PRPF40B: variants seen among roughly 807,000 people sequenced by gnomAD.
PRPF40B encodes the protein pre-mRNA processing factor 40B.
PRPF40B carries 56 observed loss-of-function variants against 124.5 expected under a neutral mutation model. That is an observed-to-expected ratio of 0.45 (90% CI 0.36 to 0.56). PRPF40B has a LOEUF of 0.56. Among genes scored for constraint, PRPF40B ranks in the 20% least tolerant of loss-of-function variants. The pLI is 0.00. For missense variants in PRPF40B, 1,053 were observed against 1,169.5 expected (o/e 0.90, Z 1.45); for synonymous variants, 443 against 426.4 (o/e 1.04, Z -0.48).
intron 1 of PRPF40B, among the ~76,000 whole-genome samples, chr12:49,625,047 G>T (rs185971630): frequency 3.3e-5 from 5 of 151,932 alleles, no homozygotes; most frequent in South Asian, 2.1e-4. Flanking sequence ...CCTTTTTTTT[G>T]ATGATGGCTA....
chr12:49,641,699 T>C (rs1942675943), intron 18 of PRPF40B: 2 of 577,798 alleles, frequency 3.5e-6, no homozygotes, highest in African/African-American at 3.7e-5. Context: ...CCTTCAGCTC[T>C]GTGTGACATC....
At chr12:49,639,758 G>C (rs975456871) in intron 18 of PRPF40B, 46 of 152,260 alleles carry the variant, frequency 3.0e-4, no homozygotes, top group African/African-American at 1.1e-3. Context: ...GTGAAATGGA[G>C]GGAAAGGAAG....
intron 1 of PRPF40B, among the ~76,000 whole-genome samples, chr12:49,626,704 A>G (rs1162207826): frequency 6.6e-6 from 1 of 152,176 alleles, no homozygotes; most frequent in Non-Finnish European, 1.5e-5. Context: ...AGGGTAGGCA[A>G]TCGGGAACCG....
rs1377161664 is a variant in PRPF40B at position 49,642,208 on chromosome 12, CCT to C, written c.1885-26_1885-25del. ...CCTGGCATCCACCCTCCTGGGTGAC[CCT>C]GTTCCGTGTCCCTTCTTTCCTCAGC... On this transcript the variant is annotated intron_variant, in intron 19 of 25. Coordinates refer to ENST00000548825, the MANE Select transcript of PRPF40B (RefSeq NM_001031698.3). The surrounding 1 kb of genome is among the most constrained non-coding windows in gnomAD (Gnocchi z 5.8). 1.2e-6 allele frequency: 2 copies of C among 1,614,074 alleles called. No homozygotes were observed. Among genetic ancestry groups the C allele is most frequent in the East Asian group, 4.5e-5 (2 of 44,882 alleles).
intron 1 of PRPF40B, among the ~76,000 whole-genome samples, chr12:49,625,255 T>C (rs1341376597): frequency 6.6e-6 from 1 of 152,244 alleles, no homozygotes; most frequent in South Asian, 2.1e-4. Context: ...GGGAGGCAGC[T>C]TTGTGAACTG....
upstream of PRPF40B, chr12:49,623,538 C>T (rs1940388178): frequency 1.6e-6 from 2 of 1,244,702 alleles, no homozygotes; most frequent in Admixed American, 4.2e-5. Context: ...CCAATCAGAG[C>T]GGCTCTTACT....
At chr12:49,625,827 A>C (rs1396800353) in intron 1 of PRPF40B, among the ~76,000 whole-genome samples, 12 of 152,224 alleles carry the variant, frequency 7.9e-5, no homozygotes, top group Non-Finnish European at 2.9e-5. Context: ...AATAAGACCC[A>C]AAGTTTTATG....
At chr12:49,627,197 T>A (rs1940799695) in intron 1 of PRPF40B, among the ~76,000 whole-genome samples, 1 of 152,226 alleles carries the variant, frequency 6.6e-6, no homozygotes, top group South Asian at 2.1e-4. Flanking sequence ...TATATTTCAT[T>A]AATTCTGAGA....
chr12:49,632,868 G>C lies in PRPF40B; in HGVS notation c.336G>C (p.Gly112=). 1.9e-6 allele frequency: 3 copies of C among 1,613,844 alleles called. No individual in the cohort carries two copies. Among genetic ancestry groups the C allele is most frequent in the Non-Finnish European group, 1.7e-6 (2 of 1,180,000 alleles). The change falls in exon 6 of 26, where the codon GGG becomes GGC. Residue 112 remains glycine, a synonymous_variant. Transcript: ENST00000548825. ...GCTTTTTTCTAGCTGCTGTGGCTGG[G>C]ACAGGCCCTCCGGTGAGTTCTTCCA... ...GADTASSAVA[G]TGPPRALWSE...
chr12:49,623,102 G>C (rs1267807369), upstream of PRPF40B, among the ~76,000 whole-genome samples: 1 of 150,856 alleles, frequency 6.6e-6, no homozygotes, highest in African/African-American at 2.4e-5. Context: ...CCCTGAGACA[G>C]ACCCTGCCAC....
chr12:49,629,006 TAACTTTCAGG>T (rs1287733121), intron 1 of PRPF40B, among the ~76,000 whole-genome samples: 1 of 152,228 alleles, frequency 6.6e-6, no homozygotes, highest in Non-Finnish European at 1.5e-5. Context: ...TATCACCCCC[TAACTTTCAGG>T]CAAAGAGGCA....
chr12:49,637,793 A>T lies in PRPF40B; in HGVS notation c.1736A>T (p.Asp579Val). 1 of 1,611,524 alleles carries T rather than the reference A, an allele frequency of 6.2e-7. No individual in the cohort carries two copies. Among genetic ancestry groups the T allele is most frequent in the Non-Finnish European group, 8.5e-7 (1 of 1,178,102 alleles). The change falls in exon 18 of 26, where the codon GAT becomes GTT. Residue 579 changes from aspartate (D) to valine (V), a missense_variant. By Grantham distance (152) the Asp-to-Val change is radical (BLOSUM62 -3). Transcript: ENST00000548825. The part of the protein sequence containing the change: ...YVEELKARFH[D>V]EKKIIKDILK... ...GAGGAGTTGAAGGCACGATTCCATG[A>T]TGAAAAGAAGATCATTAAGGACATC...
At position 49,643,683 on chromosome 12, in the gene PRPF40B, A is replaced by G. The variant is rs375334697; in HGVS notation, c.2381-8A>G. 10 of 1,612,612 alleles carry G rather than the reference A, an allele frequency of 6.2e-6. No homozygotes were observed. In the African/African-American group the frequency reaches 1.1e-4, roughly 17 times the overall value. ...GTTGGGACTTAGTAGGGATTTTTCT[A>G]TCTCTAGATCATGGCCTTCGGAAAG... is the stretch of plus-strand genomic sequence containing the variant. On this transcript the variant is annotated splice_region_variant and splice_polypyrimidine_tract_variant and intron_variant, in intron 23 of 25. Transcript: ENST00000548825.
In PRPF40B at chr12:49,644,158, G is replaced by A. The variant is rs779092351; in HGVS notation, c.2645G>A (p.Arg882Gln). The A allele has an allele frequency of 1.2e-5, 20 of 1,613,962 alleles. No homozygotes were observed. The highest frequency in any genetic ancestry group is 4.0e-5 in the African/African-American group (3 of 74,898). The change falls in exon 26 of 26, where the codon CGG becomes CAG. Residue 882 changes from arginine to glutamine, a missense_variant. By Grantham distance (43) the Arg-to-Gln change is conservative (BLOSUM62 1). Around this residue, in one of 2 missense-constraint regions of PRPF40B, gnomAD observed 895 missense variants for 1,052.2 expected, o/e 0.85. Transcript: ENST00000548825. ...GAGGGTGAGCTGGAGAGGCGGCGGC[G>A]GACACTCCTACAGCAGCTGGATGAT... is the stretch of plus-strand genomic sequence containing the variant. ...LSEGELERRR[R>Q]TLLQQLDDHQ is the part of the protein sequence containing the mutation.
chr12:49,632,996 G>GGGGGGGGCCCCCC lies in PRPF40B; in HGVS notation c.349-18_349-17insGGGGGGGCCCCCC. On this transcript the variant is annotated splice_polypyrimidine_tract_variant and intron_variant, in intron 6 of 25. Transcript: ENST00000548825. ...AAAGGGGCCTTGACCACCATTCTGT[G>GGGGGGGGCCCCCC]CCCCCCCCCCCACCCAGAGGGCCCT... 14 of 1,147,376 alleles carry GGGGGGGGCCCCCC rather than the reference G, an allele frequency of 1.2e-5. No homozygotes were observed. Among genetic ancestry groups the GGGGGGGGCCCCCC allele is most frequent in the Non-Finnish European group, 1.6e-5 (13 of 822,994 alleles). 71.1% of individuals were successfully genotyped at this position (1,147,376 alleles called of 1,614,324 possible).
At position 49,631,857 on chromosome 12, in the gene PRPF40B, T is replaced by C. The variant is rs748266938; in HGVS notation, c.229-3T>C. The C allele has an allele frequency of 3.1e-6, 5 of 1,613,558 alleles. No individual in the cohort carries two copies. Among genetic ancestry groups the C allele is most frequent in the South Asian group, 2.2e-5 (2 of 91,064 alleles). ...TTGGTTTCTGTCTTCTTTGTATCCA[T>C]AGATACCAGGAATGGTACCTCCGAT... On this transcript the variant is annotated splice_region_variant and splice_polypyrimidine_tract_variant and intron_variant, in intron 3 of 25. Transcript: ENST00000548825. The surrounding 1 kb of genome is among the most constrained non-coding windows in gnomAD (Gnocchi z 4.3).
intron 1 of PRPF40B, among the ~76,000 whole-genome samples, chr12:49,629,256 C>G (rs1404025320): frequency 6.6e-6 from 1 of 152,204 alleles, no homozygotes; most frequent in Non-Finnish European, 1.5e-5. Flanking sequence ...TGCTTTCTTT[C>G]CCACTTGTTA....
In PRPF40B at chr12:49,644,547, G is replaced by A. The variant is rs1231966228; in HGVS notation, c.*355G>A. 1 of 297,058 alleles carries A rather than the reference G, an allele frequency of 3.4e-6. No homozygotes were observed. Among genetic ancestry groups the A allele is most frequent in the Non-Finnish European group, 6.6e-6 (1 of 151,822 alleles). 18.4% of individuals were successfully genotyped at this position (297,058 alleles called of 1,614,324 possible). ...CAGAGGGCAGGGTCATCACCCTCTA[G>A]CATCAGTGCCTGCTCCTGCCTGCCC... On this transcript the variant is annotated 3_prime_UTR_variant, in exon 26 of 26. Transcript: ENST00000548825.
intron 18 of PRPF40B, chr12:49,638,028 A>G (rs1942087098): frequency 3.5e-6 from 2 of 567,744 alleles, no homozygotes; most frequent in Non-Finnish European, 6.3e-6. Flanking sequence ...AGGAAGATAT[A>G]CATGAGAACT....
Sources: allele counts gnomAD v4.1 joint callset (sites outside exome capture counted in the v4.1 genomes callset), GRCh38; gene constraint gnomAD v4.1.1; regional missense constraint gnomAD v4.1.1; non-coding constraint Gnocchi (gnomAD v3.1); transcripts MANE v1.5; gene names NCBI Gene and HGNC (gene_info 2026-07-23, HGNC 2026-07-21).